PSD2: variants seen among roughly 807,000 people sequenced by gnomAD.
PSD2 encodes the protein pleckstrin and Sec7 domain containing 2.
In PSD2, 38 loss-of-function variants were observed where a neutral mutation model predicts 69.8. The ratio of observed to expected loss-of-function variants is 0.54; its 90% CI spans 0.42 to 0.71. The LOEUF is 0.71. Ranked by LOEUF, PSD2 falls within the 30% of genes least tolerant of loss-of-function variation. The pLI is 0.00. For synonymous variants in PSD2, 412 were observed against 423.0 expected (o/e 0.97, Z 0.32); for missense variants, 943 against 1,014.5 (o/e 0.93, Z 0.96).
chr5:139,814,092 G>C lies in PSD2; in HGVS notation c.822-78G>C. 1 of 1,442,938 alleles carries C rather than the reference G, an allele frequency of 6.9e-7. No homozygotes were observed. Among genetic ancestry groups the C allele is most frequent in the Non-Finnish European group, 9.6e-7 (1 of 1,046,352 alleles). The allele number at this position is 1,442,938 out of a possible 1,614,324, so 89.4% of individuals were successfully genotyped here. ...CCCCTACATGGTTTGCAGTGGCCTGGGGAAACCTCCCAGCCTCCTCTGGGG... is the reference window on the plus strand; with the variant it reads ...CCCCTACATGGTTTGCAGTGGCCTGCGGAAACCTCCCAGCCTCCTCTGGGG... On this transcript the variant is annotated intron_variant, in intron 3 of 14. Transcript: ENST00000274710. The surrounding 1 kb of genome is among the most constrained non-coding windows in gnomAD (Gnocchi z 4.4).
chr5:139,788,221 A>G, the PSD2 span, among the ~76,000 whole-genome samples: 1 of 76,742 alleles, frequency 1.3e-5, no homozygotes, highest in Non-Finnish European at 2.5e-5. Context: ...CGGCTCCCCC[A>G]GCCCGAGCTC....
Position 139,814,593 on chromosome 5 carries a change from C to T in PSD2, c.1016+229C>T, listed in dbSNP as rs573822122. Among the ~76,000 whole-genome samples, 17 of 151,988 alleles carry T rather than the reference C, an allele frequency of 1.1e-4. No individual in the cohort carries two copies. Among genetic ancestry groups the T allele is most frequent in the African/African-American group, 3.6e-4 (15 of 41,436 alleles). On this transcript the variant is annotated intron_variant, in intron 4 of 14. Transcript: ENST00000274710. The surrounding 1 kb of genome is among the most constrained non-coding windows in gnomAD (Gnocchi z 4.4). ...TGATGCTCTCGGGGAGGGGTGGTGGCGGGCAGCCCCTCAGGGCTGGGGGTG... is the reference window on the plus strand; with the variant it reads ...TGATGCTCTCGGGGAGGGGTGGTGGTGGGCAGCCCCTCAGGGCTGGGGGTG...
the PSD2 span, among the ~76,000 whole-genome samples, chr5:139,758,057 CG>C: frequency 6.6e-6 from 1 of 152,078 alleles, no homozygotes; most frequent in Non-Finnish European, 1.5e-5. Flanking sequence ...CAAAACGAAA[CG>C]AAACAAAAAA....
the PSD2 span, among the ~76,000 whole-genome samples, chr5:139,766,888 C>CTTTCTTTCT: frequency 1.4e-5 from 1 of 71,148 alleles, no homozygotes; most frequent in African/African-American, 5.4e-5. Context: ...TCTTTCTTTC[C>CTTTCTTTCT]TTCTTTCCCT....
At chr5:139,766,119 C>G in the PSD2 span, among the ~76,000 whole-genome samples, 1 of 152,016 alleles carries the variant, frequency 6.6e-6, no homozygotes, top group African/African-American at 2.4e-5. Flanking sequence ...GGAGAGGGAC[C>G]GCGGAGCAGA....
At chr5:139,745,563 C>T in the PSD2 span, among the ~76,000 whole-genome samples, 1 of 152,244 alleles carries the variant, frequency 6.6e-6, no homozygotes, top group Non-Finnish European at 1.5e-5. Context: ...TGGAGGCCTT[C>T]TGAGAGAACT....
rs1760669671 is a variant in PSD2 at position 139,834,528 on chromosome 5, T to A, written c.1359+737T>A. On this transcript the variant is annotated intron_variant, in intron 8 of 14. Coordinates refer to ENST00000274710, the MANE Select transcript of PSD2 (RefSeq NM_032289.4). The stretch of plus-strand genomic sequence containing the variant: ...GTTGCCCAGGCTGGTCACAAACTCC[T>A]GGGCTCAAGCAATCCTCACACCTCA... Among the ~76,000 whole-genome samples the A allele has an allele frequency of 2.0e-5, 3 of 151,758 alleles. No individual in the cohort carries two copies. The South Asian group carries it at 6.2e-4, about 32-fold the overall frequency.
intron 14 of PSD2, among the ~76,000 whole-genome samples, chr5:139,841,119 G>A (rs1252685000): frequency 6.6e-6 from 1 of 152,056 alleles, no homozygotes; most frequent in Non-Finnish European, 1.5e-5. Context: ...ACTCTAAGTG[G>A]AATCCTACAG....
Position 139,843,063 on chromosome 5 carries a change from C to G in PSD2, c.*589C>G, listed in dbSNP as rs971840896. ...GACTCCATCACATGTGCATCCACTT[C>G]TTTTCATCCATTGAGATCACACTGC... is the stretch of plus-strand genomic sequence containing the variant. On this transcript the variant is annotated 3_prime_UTR_variant, in exon 15 of 15. Transcript: ENST00000274710. 1 of 153,570 alleles carries G rather than the reference C, an allele frequency of 6.5e-6. No homozygotes were observed. The highest frequency in any genetic ancestry group is 1.5e-5 in the Non-Finnish European group (1 of 68,386). The allele number at this position is 153,570 out of a possible 1,614,324, so 9.5% of individuals were successfully genotyped here.
At chr5:139,757,410 G>A in the PSD2 span, among the ~76,000 whole-genome samples, 1 of 152,234 alleles carries the variant, frequency 6.6e-6, no homozygotes, top group African/African-American at 2.4e-5. Flanking sequence ...AGTGAACGTA[G>A]CAAAGGGTGT....
intron 1 of PSD2, among the ~76,000 whole-genome samples, chr5:139,802,140 C>T (rs757279447): frequency 2.7e-5 from 4 of 150,464 alleles, no homozygotes; most frequent in Non-Finnish European, 5.9e-5. Context: ...GGAGGACTCG[C>T]CTGGGGAGAG....
chr5:139,823,633 G>C (rs1179079696), intron 7 of PSD2, among the ~76,000 whole-genome samples: 3 of 152,206 alleles, frequency 2.0e-5, no homozygotes, highest in African/African-American at 7.2e-5. Flanking sequence ...TGGGCCTCAG[G>C]TTCCACATCT....
At chr5:139,832,319 A>G (rs1760616208) in intron 7 of PSD2, among the ~76,000 whole-genome samples, 1 of 152,256 alleles carries the variant, frequency 6.6e-6, no homozygotes, top group African/African-American at 2.4e-5. Flanking sequence ...ATATATGTAA[A>G]TCTACACAGA....
chr5:139,835,152 A>C (rs1760686555), intron 8 of PSD2, among the ~76,000 whole-genome samples: 4 of 136,568 alleles, frequency 2.9e-5, no homozygotes, highest in African/African-American at 5.7e-5. Context: ...ATTCATCCTC[A>C]AATCTATCAA....
intron 1 of PSD2, among the ~76,000 whole-genome samples, chr5:139,805,312 T>C (rs1020865215): frequency 6.6e-6 from 1 of 152,246 alleles, no homozygotes; most frequent in African/African-American, 2.4e-5. Context: ...TCCATCAGAA[T>C]CTCAGCCTTG....
chr5:139,811,325 T>G (rs978941989), intron 2 of PSD2, among the ~76,000 whole-genome samples: 1 of 152,054 alleles, frequency 6.6e-6, no homozygotes, highest in Non-Finnish European at 1.5e-5. Flanking sequence ...GACAGAATCT[T>G]AGGCACTGGG....
At chr5:139,773,890 A>G in the PSD2 span, among the ~76,000 whole-genome samples, 3 of 152,230 alleles carry the variant, frequency 2.0e-5, no homozygotes, top group Admixed American at 1.3e-4. Flanking sequence ...AGGAACCACC[A>G]TACTATTTTG....
the PSD2 span, among the ~76,000 whole-genome samples, chr5:139,776,061 A>G: frequency 7.2e-5 from 11 of 152,174 alleles, no homozygotes; most frequent in African/African-American, 2.7e-4. Context: ...GGAGGGGTTC[A>G]GGGGCCCTGG....
At chr5:139,821,643 A>G (rs757719777) in intron 5 of PSD2, among the ~76,000 whole-genome samples, 1 of 152,190 alleles carries the variant, frequency 6.6e-6, no homozygotes, top group African/African-American at 2.4e-5. Context: ...TCCTCTGCCT[A>G]ATTTCAGAAG....
Sources: gnomAD v4.1 joint callset for allele counts (sites outside exome capture counted in the v4.1 genomes callset) on GRCh38, gnomAD v4.1.1 for gene constraint, Gnocchi (gnomAD v3.1) non-coding constraint, MANE v1.5 for transcripts, NCBI Gene and HGNC (gene_info 2026-07-23, HGNC 2026-07-21) for gene names.